Variants in TRHDE observed in about 807,000 individuals in gnomAD.
TRHDE encodes thyrotropin-releasing hormone-degrading ectoenzyme.
In TRHDE, 72 loss-of-function variants were observed where a neutral mutation model predicts 125.7. The ratio of observed to expected loss-of-function variants is 0.57; its 90% CI spans 0.47 to 0.70. The LOEUF is 0.70. Ranked by LOEUF, TRHDE falls within the 30% of genes least tolerant of loss-of-function variation. The pLI, the probability that TRHDE is intolerant of heterozygous loss-of-function variation, is 0.00. For synonymous variants in TRHDE, 509 were observed against 509.1 expected, an observed-to-expected ratio of 1.00 and a Z score of 0.00; for missense variants, 1,110 against 1,327.1, an observed-to-expected ratio of 0.84 and a Z score of 2.54.
At chr12:72,620,338 C>CAAAAAAAA (rs3080963) in intron 13 of TRHDE, among the ~76,000 whole-genome samples, 3 of 67,504 alleles carry the variant, frequency 4.4e-5, no homozygotes, top group Admixed American at 1.7e-4. Flanking sequence ...CCCATCTCTA[C>CAAAAAAAA]AAAAAAAAAA....
chr12:72,578,711 G>C (rs1871111867), intron 12 of TRHDE, among the ~76,000 whole-genome samples: 1 of 152,116 alleles, frequency 6.6e-6, no homozygotes, highest in Non-Finnish European at 1.5e-5. Flanking sequence ...AATTGATAAA[G>C]TAATTGTTAA....
intron 6 of TRHDE, among the ~76,000 whole-genome samples, chr12:72,533,182 T>A (rs1304981450): frequency 6.6e-6 from 1 of 152,132 alleles, no homozygotes; most frequent in Non-Finnish European, 1.5e-5. Context: ...AATTCTTTTT[T>A]TTTTTGTTTG....
At chr12:72,594,701 T>C (rs1871851383) in intron 12 of TRHDE, among the ~76,000 whole-genome samples, 2 of 152,246 alleles carry the variant, frequency 1.3e-5, no homozygotes, top group African/African-American at 4.8e-5. Context: ...ACTACTCTAA[T>C]GTGGCAATTC....
At chr12:72,176,575 G>A (rs1207201834) in intron 2 of TRHDE, among the ~76,000 whole-genome samples, 1 of 152,172 alleles carries the variant, frequency 6.6e-6, no homozygotes, top group Non-Finnish European at 1.5e-5. Context: ...AAAACTAATT[G>A]AGTGCATTAA....
chr12:72,216,477 GC>G (rs1382842604), intron 2 of TRHDE, among the ~76,000 whole-genome samples: 6 of 152,176 alleles, frequency 3.9e-5, no homozygotes, highest in Non-Finnish European at 8.8e-5. Flanking sequence ...CTTCAGCAGT[GC>G]CTTCATTAGG....
chr12:72,276,129 A>G (rs1026293842), intron 1 of TRHDE, among the ~76,000 whole-genome samples: 12 of 152,210 alleles, frequency 7.9e-5, no homozygotes, highest in Admixed American at 2.0e-4. Flanking sequence ...CACTTGGAGC[A>G]TGGAGCATTT....
chr12:72,640,145 C>G (rs1027447449), intron 15 of TRHDE, among the ~76,000 whole-genome samples: 6 of 152,214 alleles, frequency 3.9e-5, no homozygotes, highest in Non-Finnish European at 8.8e-5. Flanking sequence ...GCTGTGCTAG[C>G]AATCAGCGAG....
chr12:72,614,214 A>T (rs944964537), intron 12 of TRHDE, among the ~76,000 whole-genome samples: 1 of 151,870 alleles, frequency 6.6e-6, no homozygotes, highest in African/African-American at 2.4e-5. Context: ...AGGGAAAAAA[A>T]TTCATACTAT....
intron 2 of TRHDE, among the ~76,000 whole-genome samples, chr12:72,176,689 A>G (rs1876995989): frequency 6.6e-6 from 1 of 152,230 alleles, no homozygotes; most frequent in Admixed American, 6.5e-5. Context: ...GAGTTGTTCA[A>G]TGAAAAGTGG....
At chr12:72,555,758 A>T (rs1488193272) in intron 7 of TRHDE, among the ~76,000 whole-genome samples, 1 of 152,096 alleles carries the variant, frequency 6.6e-6, no homozygotes, top group Non-Finnish European at 1.5e-5. Context: ...CCAGGCTTCA[A>T]ATGGGTTTTA....
intron 2 of TRHDE, among the ~76,000 whole-genome samples, chr12:72,370,257 T>C (rs1871516757): frequency 6.6e-6 from 1 of 152,144 alleles, no homozygotes; most frequent in Non-Finnish European, 1.5e-5. Flanking sequence ...ATTGAATAAA[T>C]CCATCTATTT....
intron 2 of TRHDE, among the ~76,000 whole-genome samples, chr12:72,220,324 G>T (rs1280811206): frequency 6.6e-6 from 1 of 152,124 alleles, no homozygotes; most frequent in African/African-American, 2.4e-5. Context: ...GACATAGACT[G>T]CTATGACCTA....
chr12:72,148,338 T>G (rs1876275865), intron 2 of TRHDE, among the ~76,000 whole-genome samples: 1 of 152,246 alleles, frequency 6.6e-6, no homozygotes, highest in Admixed American at 6.5e-5. Flanking sequence ...AAATTCCATC[T>G]GACATGTTTG....
chr12:72,137,942 G>A (rs904907215), intron 2 of TRHDE, among the ~76,000 whole-genome samples: 1 of 152,222 alleles, frequency 6.6e-6, no homozygotes, highest in African/African-American at 2.4e-5. Context: ...CAATAGGTAA[G>A]AAAGTGAAAA....
rs773552549 is a variant in TRHDE, at chr12:72,568,690, GGTTTCAGATAATT to G, written c.2131+39_2131+51del. On this transcript the variant is annotated intron_variant, in intron 10 of 18. Coordinates refer to ENST00000261180, the MANE Select transcript of TRHDE (RefSeq NM_013381.3). Reference sequence around the variant, plus strand: ...TATATTCTCCCCTGAGGAAGTATCTGGTTTCAGATAATTGTTTAGCAACTTAACCTCTGGTTTC... The same window carrying G: ...TATATTCTCCCCTGAGGAAGTATCTGGTTTAGCAACTTAACCTCTGGTTTC... 9 of 1,457,486 alleles carry G rather than the reference GGTTTCAGATAATT, an allele frequency of 6.2e-6. No homozygotes were observed. In the Admixed American group the frequency reaches 1.4e-4, roughly 23 times the overall value. The allele number at this position is 1,457,486 out of a possible 1,614,324, so 90.3% of individuals were successfully genotyped here.
chr12:72,116,086 C>G (rs1044344748), intron 2 of TRHDE, among the ~76,000 whole-genome samples: 1 of 152,122 alleles, frequency 6.6e-6, no homozygotes, highest in African/African-American at 2.4e-5. Context: ...TGTTAACTCC[C>G]ACTTATGAGT....
At chr12:72,390,170 G>A (rs928014827) in intron 3 of TRHDE, among the ~76,000 whole-genome samples, 3 of 152,082 alleles carry the variant, frequency 2.0e-5, no homozygotes, top group Non-Finnish European at 4.4e-5. Context: ...ACTTCCTTTT[G>A]TCTCTCTTGG....
At chr12:72,501,841 A>T (rs1878167909) in intron 6 of TRHDE, among the ~76,000 whole-genome samples, 1 of 152,066 alleles carries the variant, frequency 6.6e-6, no homozygotes, top group African/African-American at 2.4e-5. Context: ...TTTTTAACTA[A>T]TGATTTAATT....
At chr12:72,164,190 T>G (rs1876694747) in intron 2 of TRHDE, among the ~76,000 whole-genome samples, 4 of 152,212 alleles carry the variant, frequency 2.6e-5, no homozygotes, top group Admixed American at 2.6e-4. Flanking sequence ...TTTTTTGACA[T>G]GGCTGTTTTC....
Sources: gnomAD v4.1 joint callset for allele counts (sites outside exome capture counted in the v4.1 genomes callset) on GRCh38, gnomAD v4.1.1 for gene constraint, MANE v1.5 for transcripts, NCBI Gene and HGNC (gene_info 2026-07-23, HGNC 2026-07-21) for gene names.